Variants in KCNK13 observed in about 807,000 individuals in gnomAD.
KCNK13 encodes potassium two pore domain channel subfamily K member 13, also known as potassium channel subfamily K member 13.
Under a neutral mutation model 23.4 loss-of-function variants are expected in KCNK13, and 12 were observed. That is an observed-to-expected ratio of 0.51 (90% CI 0.33 to 0.83). The LOEUF is 0.83. KCNK13 is among the 40% of genes least tolerant of loss of function. The probability of loss-of-function intolerance (pLI) is 0.02; values close to 1 mark genes in which losing one functional copy is unlikely to be tolerated. For synonymous variants in KCNK13, 231 were observed against 229.5 expected (o/e 1.01, Z -0.06); for missense variants, 463 against 556.3 (o/e 0.83, Z 1.69).
chr14:90,098,749 G>T (rs752333585), intron 1 of KCNK13, among the ~76,000 whole-genome samples: 1 of 151,828 alleles, frequency 6.6e-6, no homozygotes, highest in Non-Finnish European at 1.5e-5. Context: ...ATTCTACTGC[G>T]AATCTTTAGA....
At chr14:90,170,723 A>G (rs1224620649) in intron 1 of KCNK13, among the ~76,000 whole-genome samples, 2 of 152,198 alleles carry the variant, frequency 1.3e-5, no homozygotes, top group South Asian at 2.1e-4. Context: ...TATGTTTTAC[A>G]TAAGATGACG....
intron 1 of KCNK13, among the ~76,000 whole-genome samples, chr14:90,086,062 A>T (rs149999870): frequency 2.4e-4 from 36 of 151,626 alleles, no homozygotes; most frequent in Non-Finnish European, 4.6e-4. Flanking sequence ...TAATTTAACC[A>T]TTCTTCCTAT....
At chr14:90,129,166 A>G (rs1446276827) in intron 1 of KCNK13, among the ~76,000 whole-genome samples, 1 of 152,138 alleles carries the variant, frequency 6.6e-6, no homozygotes, top group Non-Finnish European at 1.5e-5. Context: ...ATTCATCTAC[A>G]TTGTGTCTAA....
At chr14:90,087,154 A>ATTTT (rs1555401789) in intron 1 of KCNK13, among the ~76,000 whole-genome samples, 26 of 107,614 alleles carry the variant, frequency 2.4e-4, no homozygotes, top group Admixed American at 3.3e-4. Flanking sequence ...ATATATATAT[A>ATTTT]TTTTTTTTTT....
At chr14:90,158,287 C>T (rs1234034739) in intron 1 of KCNK13, among the ~76,000 whole-genome samples, 2 of 152,224 alleles carry the variant, frequency 1.3e-5, no homozygotes, top group Admixed American at 1.3e-4. Context: ...CACAGATAGA[C>T]TGTGGGAAAT....
chr14:90,138,703 C>T (rs1163532689), intron 1 of KCNK13, among the ~76,000 whole-genome samples: 1 of 152,226 alleles, frequency 6.6e-6, no homozygotes, highest in African/African-American at 2.4e-5. Context: ...GTGATGTGTG[C>T]ACTGCACAAA....
intron 1 of KCNK13, among the ~76,000 whole-genome samples, chr14:90,072,116 T>G (rs1014396459): frequency 6.6e-6 from 1 of 152,136 alleles, no homozygotes; most frequent in Admixed American, 6.5e-5. Context: ...TCCTCCAGCC[T>G]TTTTTGCCTC....
chr14:90,134,124 A>G (rs996245917), intron 1 of KCNK13, among the ~76,000 whole-genome samples: 2 of 152,152 alleles, frequency 1.3e-5, no homozygotes, highest in African/African-American at 4.8e-5. Flanking sequence ...AGGCTGAAAT[A>G]GGAGGATCTC....
rs1889564757 is a variant in KCNK13, at chr14:90,107,813, G to A, written c.334+45274G>A. The A allele has an allele frequency of 1.3e-5, 11 of 868,860 alleles. 1 individual carries two copies. Among genetic ancestry groups the A allele is most frequent in the Admixed American group, 3.4e-5 (2 of 58,212 alleles). The allele number at this position is 868,860 out of a possible 1,614,324, so 53.8% of individuals were successfully genotyped here. A position where few individuals can be genotyped will look rare whatever the true frequency, so the allele number is the denominator to read the frequency against. ...CAAACAAGGGCTTCTGGAATTTGTCGAGATCACAACCACCAACCACACTAA... is the reference window on the plus strand; with the variant it reads ...CAAACAAGGGCTTCTGGAATTTGTCAAGATCACAACCACCAACCACACTAA... On this transcript the variant is annotated intron_variant, in intron 1 of 1. Transcript: ENST00000282146.
At chr14:90,109,324 G>A (rs1044408910) in intron 1 of KCNK13, among the ~76,000 whole-genome samples, 2 of 151,784 alleles carry the variant, frequency 1.3e-5, no homozygotes, top group East Asian at 3.8e-4. Flanking sequence ...TTAGGTTCTA[G>A]GCTCAGATAA....
At chr14:90,152,449 C>T (rs1332206324) in intron 1 of KCNK13, among the ~76,000 whole-genome samples, 2 of 152,096 alleles carry the variant, frequency 1.3e-5, no homozygotes, top group Non-Finnish European at 2.9e-5. Flanking sequence ...GCAGGAGAAT[C>T]GCTTGAACCC....
At chr14:90,173,789 A>G (rs746161571) in intron 1 of KCNK13, among the ~76,000 whole-genome samples, 32 of 152,244 alleles carry the variant, frequency 2.1e-4, no homozygotes, top group Non-Finnish European at 4.0e-4. Flanking sequence ...ATCTTGAAGC[A>G]GGGGCTTACA....
intron 1 of KCNK13, among the ~76,000 whole-genome samples, chr14:90,081,945 C>T (rs910437973): frequency 6.6e-6 from 1 of 152,144 alleles, no homozygotes; most frequent in Non-Finnish European, 1.5e-5. Context: ...CATATTTTGC[C>T]TGTTTTCCTT....
intron 1 of KCNK13, among the ~76,000 whole-genome samples, chr14:90,143,059 T>C (rs1382334470): frequency 1.3e-5 from 2 of 152,198 alleles, no homozygotes; most frequent in Admixed American, 6.5e-5. Context: ...AGTTATCTCC[T>C]GTGAGTAAAG....
chr14:90,168,101 T>C (rs1890324135), intron 1 of KCNK13, among the ~76,000 whole-genome samples: 3 of 152,036 alleles, frequency 2.0e-5, no homozygotes, highest in Admixed American at 2.0e-4. Context: ...GGGCGGGGTG[T>C]GGTGGCTCAC....
Position 90,184,613 on chromosome 14 carries a change from C to T in KCNK13, c.837C>T (p.Ile279=). The change falls in exon 2 of 2, where the codon ATC becomes ATT. Residue 279 remains isoleucine, a synonymous_variant. Coordinates refer to ENST00000282146, the MANE Select transcript of KCNK13 (RefSeq NM_022054.4). The surrounding 1 kb of genome is among the most constrained non-coding windows in gnomAD (Gnocchi z 5.6). ...GCATCTACTCCTTGTTCAATGTCATCTCTATCCTCATCAAACAGTCCTTGA... is the reference window on the plus strand; with the variant it reads ...GCATCTACTCCTTGTTCAATGTCATTTCTATCCTCATCAAACAGTCCTTGA... ...VCCIYSLFNV[I]SILIKQSLNW... 2 of 1,614,266 alleles carry T rather than the reference C, an allele frequency of 1.2e-6. No individual in the cohort carries two copies. The highest frequency in any genetic ancestry group is 1.7e-6 in the Non-Finnish European group (2 of 1,180,052).
chr14:90,176,733 T>C (rs1424112830), intron 1 of KCNK13, among the ~76,000 whole-genome samples: 1 of 152,046 alleles, frequency 6.6e-6, no homozygotes, highest in Non-Finnish European at 1.5e-5. Flanking sequence ...TTAAAAATAA[T>C]GAAAGAGGCC....
intron 1 of KCNK13, among the ~76,000 whole-genome samples, 157 bp from the exon 2 acceptor site, chr14:90,183,954 A>G (rs2140450854): frequency 6.6e-6 from 1 of 152,328 alleles, no homozygotes; most frequent in East Asian, 1.9e-4. Flanking sequence ...TGTCTTCAAA[A>G]GCAGGTGAGA....
At chr14:90,172,316 CAA>C (rs5810487) in intron 1 of KCNK13, among the ~76,000 whole-genome samples, 9,380 of 138,860 alleles carry the variant, frequency 0.068, 977 homozygotes, top group African/African-American at 0.23. Flanking sequence ...GAGTCTATAT[CAA>C]AAAAAAAAAA....
Sources: gnomAD v4.1 joint callset for allele counts (sites outside exome capture counted in the v4.1 genomes callset) on GRCh38, gnomAD v4.1.1 for gene constraint, Gnocchi (gnomAD v3.1) non-coding constraint, MANE v1.5 for transcripts, NCBI Gene and HGNC (gene_info 2026-07-23, HGNC 2026-07-21) for gene names.